Variants in TLCD4 observed in about 807,000 individuals in gnomAD.
TLCD4 encodes TLC domain containing 4.
Under a neutral mutation model 24.2 loss-of-function variants are expected in TLCD4, and 7 were observed. The observed-to-expected ratio is 0.29, with a 90% CI of 0.16 to 0.54. The LOEUF (loss-of-function observed/expected upper bound fraction) is 0.54, where lower values mean the gene tolerates loss of function less well. TLCD4 is among the 20% of genes least tolerant of loss of function. TLCD4 has a pLI of 0.95. For missense variants in TLCD4, 259 were observed against 313.9 expected (o/e 0.82, Z 1.32); for synonymous variants, 103 against 106.4 (o/e 0.97, Z 0.20).
At chr1:95,129,044 A>G (rs932917674) in intron 1 of TLCD4, among the ~76,000 whole-genome samples, 1 of 152,226 alleles carries the variant, frequency 6.6e-6, no homozygotes, top group Non-Finnish European at 1.5e-5. Context: ...TTTAGAGAAC[A>G]GGGGTTAGCC....
chr1:95,125,250 A>G (rs1032633829), intron 1 of TLCD4, among the ~76,000 whole-genome samples: 2 of 152,156 alleles, frequency 1.3e-5, no homozygotes, highest in Non-Finnish European at 2.9e-5. Flanking sequence ...GGTTGAGGCT[A>G]CCTGAAGTTT....
At chr1:95,144,613 G>A (rs1349342929) in intron 2 of TLCD4, among the ~76,000 whole-genome samples, 2 of 151,242 alleles carry the variant, frequency 1.3e-5, no homozygotes, top group African/African-American at 4.9e-5. Context: ...TTTTTAAACA[G>A]AAAAGTAAAT....
At chr1:95,122,981 T>A (rs1357106762) in intron 1 of TLCD4, among the ~76,000 whole-genome samples, 1 of 151,596 alleles carries the variant, frequency 6.6e-6, no homozygotes, top group Non-Finnish European at 1.5e-5. Flanking sequence ...ATTTTTTTTT[T>A]TTTAAAAAGA....
chr1:95,127,460 T>TA (rs1210610460), intron 1 of TLCD4, among the ~76,000 whole-genome samples: 1 of 152,076 alleles, frequency 6.6e-6, no homozygotes, highest in African/African-American at 2.4e-5. Context: ...GTGATCCCTT[T>TA]AAAAAAAGAA....
intron 1 of TLCD4, among the ~76,000 whole-genome samples, chr1:95,138,048 G>T (rs536603248): frequency 2.0e-5 from 3 of 152,040 alleles, no homozygotes; most frequent in South Asian, 4.2e-4. Flanking sequence ...AGTCTTTTGG[G>T]CTCCAGCCTA....
intron 5 of TLCD4, among the ~76,000 whole-genome samples, chr1:95,152,957 T>C (rs991587673): frequency 6.6e-6 from 1 of 152,148 alleles, no homozygotes; most frequent in Non-Finnish European, 1.5e-5. Flanking sequence ...CACTTCTTTC[T>C]CCAATTAAAC....
At chr1:95,147,943 T>G (rs12036706) in intron 2 of TLCD4, among the ~76,000 whole-genome samples, 2 of 152,156 alleles carry the variant, frequency 1.3e-5, no homozygotes, top group Non-Finnish European at 2.9e-5. Context: ...TAGAAACTTA[T>G]GGTTTTTATG....
At chr1:95,169,673 G>A (rs1441969668) in intron 5 of TLCD4, among the ~76,000 whole-genome samples, 1 of 151,940 alleles carries the variant, frequency 6.6e-6, no homozygotes, top group African/African-American at 2.4e-5. Flanking sequence ...TAACTAGAGA[G>A]AAATTTTTAG....
the TLCD4 span, among the ~76,000 whole-genome samples, chr1:95,106,323 T>G: frequency 6.6e-6 from 1 of 152,250 alleles, no homozygotes; most frequent in Non-Finnish European, 1.5e-5. Context: ...TTTTAAAATC[T>G]GAGACTTTAA....
intron 5 of TLCD4, among the ~76,000 whole-genome samples, chr1:95,171,209 C>G (rs1678207629): frequency 6.6e-6 from 1 of 152,164 alleles, no homozygotes; most frequent in South Asian, 2.1e-4. Context: ...GCCTTGGCCT[C>G]CCAGTGTGCT....
intron 1 of TLCD4, among the ~76,000 whole-genome samples, chr1:95,141,441 A>G (rs887166311): frequency 3.3e-5 from 5 of 152,118 alleles, no homozygotes; most frequent in African/African-American, 1.2e-4. Flanking sequence ...AGAGCATACG[A>G]AAGTCTTCAG....
At chr1:95,102,949 T>C in the TLCD4 span, among the ~76,000 whole-genome samples, 1 of 151,298 alleles carries the variant, frequency 6.6e-6, no homozygotes, top group African/African-American at 2.4e-5. Context: ...GCAAGAGTAG[T>C]GTATTTGTTT....
chr1:95,109,433 C>G, the TLCD4 span, among the ~76,000 whole-genome samples: 1 of 151,498 alleles, frequency 6.6e-6, no homozygotes, highest in Non-Finnish European at 1.5e-5. Flanking sequence ...TTCATTTGTT[C>G]AAGTCTACTC....
the TLCD4 span, among the ~76,000 whole-genome samples, chr1:95,097,618 A>C: frequency 6.6e-6 from 1 of 152,212 alleles, no homozygotes; most frequent in Non-Finnish European, 1.5e-5. Context: ...AATACCTAAG[A>C]GGTGTGTGTG....
intron 5 of TLCD4, among the ~76,000 whole-genome samples, chr1:95,153,625 A>T (rs1407898021): frequency 6.6e-6 from 1 of 152,174 alleles, no homozygotes; most frequent in African/African-American, 2.4e-5. Context: ...CTGGTATCCA[A>T]TTCACACGTA....
intron 5 of TLCD4, chr1:95,163,490 G>A (rs1677901740): frequency 6.6e-6 from 1 of 152,314 alleles, no homozygotes; most frequent in African/African-American, 2.4e-5. Context: ...ATCGTTTGAA[G>A]CCTTCTTCTC....
intron 1 of TLCD4, chr1:95,125,516 ACTAGT>A (rs1676710096): frequency 6.6e-6 from 1 of 152,216 alleles, no homozygotes; most frequent in Non-Finnish European, 1.5e-5. Flanking sequence ...ATCTTTTAAG[ACTAGT>A]CAAGAGGAGG....
At position 95,184,455 on chromosome 1, in the gene TLCD4, A is replaced by G. The variant is rs979428981; in HGVS notation, c.474-7095A>G. Among the ~76,000 whole-genome samples the G allele has an allele frequency of 8.5e-5, 13 of 152,058 alleles. 1 individual carries two copies. Among genetic ancestry groups the G allele is most frequent in the Non-Finnish European group, 1.3e-4 (9 of 68,022 alleles). ...AGTTTTTACACTTTTTCTAGTTTTT[A>G]CACAATTTTTAGTGAGTACGATACC... On this transcript the variant is annotated intron_variant, in intron 6 of 6. Coordinates refer to ENST00000370203, the MANE Select transcript of TLCD4 (RefSeq NM_152487.3).
chr1:95,104,679 A>AAAAAAAAAAAAAAAAAAAAAAAAAAAAC, the TLCD4 span, among the ~76,000 whole-genome samples: 1 of 147,952 alleles, frequency 6.8e-6, no homozygotes, highest in Non-Finnish European at 1.5e-5. Flanking sequence ...AAAAAAAAAA[A>AAAAAAAAAAAAAAAAAAAAAAAAAAAAC]AGCGTTTAAC....
Sources: allele counts gnomAD v4.1 joint callset (sites outside exome capture counted in the v4.1 genomes callset), GRCh38; gene constraint gnomAD v4.1.1; transcripts MANE v1.5; gene names NCBI Gene and HGNC (gene_info 2026-07-23, HGNC 2026-07-21).